The following UBA5 variants were observed in gnomAD, a reference collection of about 807,000 sequenced individuals.
UBA5 encodes ubiquitin-like modifier-activating enzyme 5.
UBA5 carries 28 observed loss-of-function variants against 52.9 expected under a neutral mutation model. The observed-to-expected ratio is 0.53, with a 90% CI of 0.39 to 0.73. UBA5 has a LOEUF of 0.73. UBA5 is among the 30% of genes least tolerant of loss of function. The pLI is 0.00. For synonymous variants in UBA5, 135 were observed against 162.1 expected (o/e 0.83, Z 1.27); for missense variants, 388 against 492.7 (o/e 0.79, Z 2.01).
intron 4 of UBA5, 36 bp downstream of exon 4, chr3:132,668,963 A>G (rs1386380089): frequency 1.5e-6 from 2 of 1,354,350 alleles, no homozygotes; most frequent in East Asian, 4.6e-5. Flanking sequence ...ATATTCAGTG[A>G]AATCTTACTT....
intron 7 of UBA5, 37 bp from the exon 8 acceptor site, chr3:132,672,013 C>A: frequency 6.2e-7 from 1 of 1,608,942 alleles, no homozygotes; most frequent in Non-Finnish European, 8.5e-7. Context: ...CATACTTTTT[C>A]TCTTTTTTTT....
chr3:132,654,830 T>C (rs1399318338), intron 1 of UBA5, among the ~76,000 whole-genome samples: 1 of 152,222 alleles, frequency 6.6e-6, no homozygotes, highest in Non-Finnish European at 1.5e-5. Flanking sequence ...CGTGAATTCC[T>C]AAGCATTTAA....
chr3:132,669,586 C>T (rs1392489679), intron 4 of UBA5, among the ~76,000 whole-genome samples: 5 of 152,192 alleles, frequency 3.3e-5, no homozygotes, highest in African/African-American at 7.2e-5. Context: ...TTTTTATAGT[C>T]ATAAATGTTC....
At chr3:132,665,948 G>C (rs1442113108) in intron 2 of UBA5, 36 bp from the exon 3 acceptor site, 2 of 1,610,448 alleles carry the variant, frequency 1.2e-6, no homozygotes, top group East Asian at 2.2e-5. Flanking sequence ...TTGATGAAGA[G>C]CTATTAACCA....
chr3:132,671,121 T>A, intron 6 of UBA5, 72 bp downstream of exon 6: 1 of 1,288,906 alleles, frequency 7.8e-7, no homozygotes, highest in African/African-American at 1.5e-5. Flanking sequence ...CAGTATATAA[T>A]CCCCATCCTA....
chr3:132,679,125 G>A lies in UBA5; in HGVS notation c.*2599G>A, dbSNP rs551791804. On this transcript the variant is annotated 3_prime_UTR_variant, in exon 12 of 12. Transcript: ENST00000356232. ...TCTACTAAAAATACAAAAATTAGCC[G>A]GGCGTGGTGGTGCGTGACTGTAATC... 2.0e-5 allele frequency among the ~76,000 whole-genome samples: 3 copies of A among 151,826 alleles called. No individual in the cohort carries two copies. Among genetic ancestry groups the A allele is most frequent in the East Asian group, 2.0e-4 (1 of 5,090 alleles).
intron 1 of UBA5, among the ~76,000 whole-genome samples, chr3:132,661,261 A>T (rs1304424358): frequency 1.3e-5 from 2 of 152,190 alleles, no homozygotes; most frequent in African/African-American, 4.8e-5. Flanking sequence ...GTTAAGGGTA[A>T]GGACTCTACC....
Position 132,675,915 on chromosome 3 carries a change from C to A in UBA5, c.1123C>A (p.Pro375Thr). 1 of 1,585,480 alleles carries A rather than the reference C, an allele frequency of 6.3e-7. No individual in the cohort carries two copies. Among genetic ancestry groups the A allele is most frequent in the South Asian group, 1.2e-5 (1 of 85,510 alleles). Reference sequence around the variant, plus strand: ...AGGAATTACAGTGGCATACACAATTCCAAAAAAGGTACTTCAAAAATATGA... The same window carrying A: ...AGGAATTACAGTGGCATACACAATTACAAAAAAGGTACTTCAAAAATATGA... The part of the protein sequence containing the change: ...PEGITVAYTI[P>T]KKQEDSVTEL... Residue 375 changes from proline (P) to threonine (T), a missense_variant, in exon 11 of 12, where the codon CCA becomes ACA. This residue lies in a region of UBA5 where 277 missense variants were observed against 326.4 expected (regional missense o/e 0.85). Transcript: ENST00000356232.
chr3:132,659,892 G>A, upstream of UBA5: 3 of 1,049,654 alleles, frequency 2.9e-6, no homozygotes, highest in South Asian at 3.8e-5. Flanking sequence ...CACAGCCTAC[G>A]CGCCGTTGCT....
rs571796008 is a variant in UBA5, at chr3:132,673,574, C to G, written c.812+1397C>G. 6.6e-5 allele frequency among the ~76,000 whole-genome samples: 10 copies of G among 152,174 alleles called. No individual in the cohort carries two copies. The South Asian group carries it at 1.5e-3, about 22-fold the overall frequency. The stretch of plus-strand genomic sequence containing the variant: ...TGTTGCTCAGGCTGTTCTTGAACTC[C>G]TGAGCTCAAGTAATCTGCCCACCTC... On this transcript the variant is annotated intron_variant, in intron 8 of 11. Transcript: ENST00000356232.
rs376247071 is a variant in UBA5 at position 132,670,236 on chromosome 3, A to G, written c.446A>G (p.Tyr149Cys). 2.7e-5 allele frequency: 41 copies of G among 1,509,234 alleles called. No individual in the cohort carries two copies. Among genetic ancestry groups the G allele is most frequent in the Non-Finnish European group, 3.5e-5 (38 of 1,093,444 alleles). The allele number at this position is 1,509,234 out of a possible 1,614,324, so 93.5% of individuals were successfully genotyped here. ...GATGTTCTTTTTGAAGTACACAACT[A>G]TAATATAACCACAGTGGAAAACTTT... ...NPDVLFEVHN[Y>C]NITTVENFQH... The change falls in exon 5 of 12, where the codon TAT (tyrosine) becomes TGT (cysteine). Residue 149 changes from tyrosine to cysteine, a missense_variant. Physicochemically the swap from Tyr to Cys is radical, Grantham distance 194 (BLOSUM62 -2). Around this residue, in one of 3 missense-constraint regions of UBA5, gnomAD observed 277 missense variants for 326.4 expected, o/e 0.85. Coordinates refer to ENST00000356232, the MANE Select transcript of UBA5 (RefSeq NM_024818.6).
chr3:132,676,901 T>C lies in UBA5; in HGVS notation c.*375T>C, dbSNP rs914410954. The C allele has an allele frequency of 2.4e-5, 11 of 457,032 alleles. No individual in the cohort carries two copies. The highest frequency in any genetic ancestry group is 1.6e-4 in the Admixed American group (7 of 42,590). The allele number at this position is 457,032 out of a possible 1,614,324, so 28.3% of individuals were successfully genotyped here. On this transcript the variant is annotated 3_prime_UTR_variant, in exon 12 of 12. Transcript: ENST00000356232. This position sits in a 1 kb window ranked among gnomAD's most constrained non-coding sequence, Gnocchi z 4.1. ...TGAGGACATGGACAATAAAGTAGTA[T>C]ATGATCCTCAGATACAGGGAGAAGG... is the stretch of plus-strand genomic sequence containing the variant.
chr3:132,661,310 G>A (rs570876133), intron 1 of UBA5, among the ~76,000 whole-genome samples: 8 of 152,234 alleles, frequency 5.3e-5, no homozygotes, highest in African/African-American at 1.9e-4. Context: ...TACTCTCTTC[G>A]TAACTGCCTA....
chr3:132,663,956 A>G (rs996837000), intron 1 of UBA5, among the ~76,000 whole-genome samples: 2 of 152,184 alleles, frequency 1.3e-5, no homozygotes, highest in African/African-American at 4.8e-5. Flanking sequence ...GAAGTGTTGG[A>G]AAATAAAGTT....
At chr3:132,670,353 C>G in intron 5 of UBA5, 69 bp downstream of exon 5, 2 of 675,278 alleles carry the variant, frequency 3.0e-6, no homozygotes, top group South Asian at 4.2e-5. Flanking sequence ...TTAGAAAAAT[C>G]TATGGATTAA....
In UBA5 at chr3:132,679,281, T is replaced by C. The variant is rs180769302; in HGVS notation, c.*2755T>C. The stretch of plus-strand genomic sequence containing the variant: ...AGACTCTGTCTCAAAAAAAAAGGTA[T>C]TGATGAATAAAAATTATAACTAGAA... On this transcript the variant is annotated 3_prime_UTR_variant, in exon 12 of 12. Coordinates refer to ENST00000356232, the MANE Select transcript of UBA5 (RefSeq NM_024818.6). Among the ~76,000 whole-genome samples the C allele has an allele frequency of 7.1e-4, 108 of 152,080 alleles. No individual in the cohort carries two copies. The highest frequency in any genetic ancestry group is 2.3e-3 in the South Asian group (11 of 4,806).
chr3:132,670,211 G>C lies in UBA5; in HGVS notation c.421G>C (p.Asp141His). The C allele has an allele frequency of 6.7e-7, 1 of 1,482,746 alleles. No individual in the cohort carries two copies. Among genetic ancestry groups the C allele is most frequent in the South Asian group, 1.2e-5 (1 of 85,552 alleles). 91.8% of individuals were successfully genotyped at this position (1,482,746 alleles called of 1,614,324 possible). A position where few individuals can be genotyped will look rare whatever the true frequency, so the allele number is the denominator to read the frequency against. The change falls in exon 5 of 12, where the codon GAT becomes CAT. Residue 141 changes from aspartate (D) to histidine (H), a missense_variant. By Grantham distance (81) the Asp-to-His change is moderately conservative (BLOSUM62 -1). Around this residue, in one of 3 missense-constraint regions of UBA5, gnomAD observed 277 missense variants for 326.4 expected, o/e 0.85. Coordinates refer to ENST00000356232, the MANE Select transcript of UBA5 (RefSeq NM_024818.6). ...AEHTLRNINP[D>H]VLFEVHNYNI... The stretch of plus-strand genomic sequence containing the variant: ...TTTCCTTCTTAGGAACATTAATCCT[G>C]ATGTTCTTTTTGAAGTACACAACTA...
Position 132,676,840 on chromosome 3 carries a change from T to A in UBA5, c.*314T>A, listed in dbSNP as rs1181880124. ...GGGAAGGACAAATCTGATCCTGTAA[T>A]CTTTTTCTTTCCAGTAATCCCTTGT... On this transcript the variant is annotated 3_prime_UTR_variant, in exon 12 of 12. Coordinates refer to ENST00000356232, the MANE Select transcript of UBA5 (RefSeq NM_024818.6). This position sits in a 1 kb window ranked among gnomAD's most constrained non-coding sequence, Gnocchi z 4.1. 2 of 468,902 alleles carry A rather than the reference T, an allele frequency of 4.3e-6. No individual in the cohort carries two copies. 29.0% of individuals were successfully genotyped at this position (468,902 alleles called of 1,614,324 possible). A position where few individuals can be genotyped will look rare whatever the true frequency, so the allele number is the denominator to read the frequency against.
chr3:132,663,713 G>T (rs549229947), intron 1 of UBA5, among the ~76,000 whole-genome samples: 1 of 152,202 alleles, frequency 6.6e-6, no homozygotes, highest in African/African-American at 2.4e-5. Flanking sequence ...CTTTATTAGT[G>T]TCCCACACTT....
Sources: allele counts gnomAD v4.1 joint callset (sites outside exome capture counted in the v4.1 genomes callset), GRCh38; gene constraint gnomAD v4.1.1; regional missense constraint gnomAD v4.1.1; non-coding constraint Gnocchi (gnomAD v3.1); transcripts MANE v1.5; gene names NCBI Gene and HGNC (gene_info 2026-07-23, HGNC 2026-07-21).